MCTP1: variants seen among roughly 807,000 people sequenced by gnomAD.
The protein encoded by MCTP1 is multiple C2 and transmembrane domain-containing protein 1.
In MCTP1, 69 loss-of-function variants were observed where a neutral mutation model predicts 120.6. The observed-to-expected ratio is 0.57, with a 90% CI of 0.47 to 0.70. The LOEUF is 0.70. MCTP1 is among the 30% of genes least tolerant of loss of function. The probability of loss-of-function intolerance (pLI) is 0.00; values close to 1 mark genes in which losing one functional copy is unlikely to be tolerated. For missense variants in MCTP1, 1,203 were observed against 1,248.8 expected, an observed-to-expected ratio of 0.96 and a Z score of 0.55; for synonymous variants, 529 against 493.1, an observed-to-expected ratio of 1.07 and a Z score of -0.96.
chr5:94,929,664 A>C, intron 6 of MCTP1: 1 of 985,192 alleles, frequency 1.0e-6, no homozygotes, highest in Non-Finnish European at 1.2e-6. Flanking sequence ...TACCGGAGGA[A>C]AAGATTCAGG....
intron 17 of MCTP1, among the ~76,000 whole-genome samples, chr5:94,827,999 T>C (rs144304407): frequency 0.012 from 1,778 of 152,188 alleles, 46 homozygotes; most frequent in African/African-American, 0.04. Context: ...TTTGTTCTCT[T>C]GCTGGTGAGG....
At chr5:95,056,500 G>A (rs1329639157) in intron 1 of MCTP1, among the ~76,000 whole-genome samples, 2 of 152,080 alleles carry the variant, frequency 1.3e-5, no homozygotes, top group African/African-American at 4.8e-5. Context: ...TAAAACAATG[G>A]ATACAATGAT....
chr5:95,154,117 T>G (rs1055708997), intron 1 of MCTP1: 2 of 152,262 alleles, frequency 1.3e-5, no homozygotes, highest in Non-Finnish European at 2.9e-5. Context: ...GAGTTGGTGG[T>G]GGTTGTGATG....
chr5:94,791,112 C>CAAAAAAAAAAA (rs60394333), intron 18 of MCTP1, among the ~76,000 whole-genome samples: 8 of 99,658 alleles, frequency 8.0e-5, no homozygotes, highest in Admixed American at 1.3e-4. Flanking sequence ...GTCTCTACTA[C>CAAAAAAAAAAA]AAAAAAAAAA....
At chr5:95,226,400 C>T (rs982434004) in intron 1 of MCTP1, among the ~76,000 whole-genome samples, 2 of 152,178 alleles carry the variant, frequency 1.3e-5, no homozygotes, top group South Asian at 4.2e-4. Context: ...TAAGCAATAC[C>T]AAAGAATACT....
chr5:95,042,335 C>T (rs62364723), intron 1 of MCTP1, among the ~76,000 whole-genome samples: 2,065 of 152,248 alleles, frequency 0.014, 18 homozygotes, highest in Non-Finnish European at 0.021. Flanking sequence ...ATTTAAACTG[C>T]TCTATATGAA....
At chr5:94,844,869 C>T (rs1791969291) in intron 17 of MCTP1, among the ~76,000 whole-genome samples, 2 of 150,990 alleles carry the variant, frequency 1.3e-5, no homozygotes, top group South Asian at 4.2e-4. Flanking sequence ...TCTGTTTTTC[C>T]TTTTCCAATT....
chr5:95,041,105 A>T (rs10476532), intron 1 of MCTP1, among the ~76,000 whole-genome samples: 29,053 of 151,840 alleles, frequency 0.19, 3,140 homozygotes, highest in East Asian at 0.37. Context: ...ACCCAAAGCA[A>T]CCCAATTATG....
At chr5:95,005,608 G>T (rs1347464106) in intron 2 of MCTP1, among the ~76,000 whole-genome samples, 1 of 152,038 alleles carries the variant, frequency 6.6e-6, no homozygotes, top group Non-Finnish European at 1.5e-5. Context: ...GAAAGGGTGT[G>T]GCACTTTCCC....
In MCTP1 at chr5:95,192,280, T is replaced by A. The variant is rs10476536; in HGVS notation, c.720+91576A>T. 4.1e-3 allele frequency among the ~76,000 whole-genome samples: 622 copies of A among 152,200 alleles called. 5 individuals carry two copies. Among genetic ancestry groups the A allele is most frequent in the Admixed American group, 5.3e-3 (81 of 15,286 alleles). ...ACTGTATTTATGAATACGGTTATAC[T>A]GTACATAATACAGTACATTAAGAAT... On this transcript the variant is annotated intron_variant, in intron 1 of 22. Transcript: ENST00000515393.
chr5:94,846,199 C>T (rs1374335665), intron 17 of MCTP1, among the ~76,000 whole-genome samples: 1 of 152,102 alleles, frequency 6.6e-6, no homozygotes, highest in South Asian at 2.1e-4. Context: ...GACATATGCA[C>T]ATGTATGCTC....
At chr5:94,771,177 G>A (rs556912282) in intron 19 of MCTP1, among the ~76,000 whole-genome samples, 7 of 152,252 alleles carry the variant, frequency 4.6e-5, no homozygotes, top group Admixed American at 4.6e-4. Context: ...GAACAGTGGT[G>A]AGGGCAACAA....
At chr5:95,115,199 TA>T (rs1757728486) in intron 1 of MCTP1, among the ~76,000 whole-genome samples, 1 of 151,962 alleles carries the variant, frequency 6.6e-6, no homozygotes, top group Non-Finnish European at 1.5e-5. Context: ...AGTAAATACT[TA>T]ACTGTTCAAT....
intron 19 of MCTP1, among the ~76,000 whole-genome samples, chr5:94,727,173 C>T (rs761895434): frequency 6.6e-6 from 1 of 152,160 alleles, no homozygotes; most frequent in Non-Finnish European, 1.5e-5. Flanking sequence ...CTAGCATAGA[C>T]AAAACAGCAC....
chr5:94,963,688 T>G (rs1824909548), intron 2 of MCTP1, among the ~76,000 whole-genome samples: 1 of 152,096 alleles, frequency 6.6e-6, no homozygotes, highest in East Asian at 1.9e-4. Context: ...TGAGTTGTAG[T>G]AGTTCCTTAT....
intron 1 of MCTP1, among the ~76,000 whole-genome samples, chr5:95,227,917 A>G (rs1436645246): frequency 1.3e-5 from 2 of 152,216 alleles, no homozygotes; most frequent in Non-Finnish European, 2.9e-5. Context: ...TGCATAAACT[A>G]AAATAGCTCA....
intron 1 of MCTP1, among the ~76,000 whole-genome samples, chr5:95,193,698 C>T (rs1401705902): frequency 6.6e-6 from 1 of 152,002 alleles, no homozygotes; most frequent in African/African-American, 2.4e-5. Context: ...GATTAAGGTA[C>T]ATAATAGTAG....
intron 1 of MCTP1, among the ~76,000 whole-genome samples, chr5:95,057,825 C>T (rs1287097987): frequency 1.3e-5 from 2 of 152,124 alleles, no homozygotes; most frequent in African/African-American, 2.4e-5. Flanking sequence ...ACCAATGATC[C>T]GCAAAATGTC....
chr5:95,059,264 C>T (rs1246155487), intron 1 of MCTP1, among the ~76,000 whole-genome samples: 1 of 151,802 alleles, frequency 6.6e-6, no homozygotes, highest in Non-Finnish European at 1.5e-5. Context: ...TTTGCAGCAA[C>T]ATGGATGCAG....
Sources: allele counts gnomAD v4.1 joint callset (sites outside exome capture counted in the v4.1 genomes callset), GRCh38; gene constraint gnomAD v4.1.1; transcripts MANE v1.5; gene names NCBI Gene and HGNC (gene_info 2026-07-23, HGNC 2026-07-21).